MBNL1: variants seen among roughly 807,000 people sequenced by gnomAD.
MBNL1 encodes muscleblind like splicing regulator 1, also known as muscleblind-like protein 1.
A neutral mutation model predicts 42.2 loss-of-function variants in MBNL1; 8 were observed. The ratio of observed to expected loss-of-function variants is 0.19; its 90% CI spans 0.11 to 0.34. MBNL1 has a LOEUF of 0.34. Among genes scored for constraint, MBNL1 ranks in the 10% least tolerant of loss-of-function variants. The probability of loss-of-function intolerance (pLI) is 1.00; values close to 1 mark genes in which losing one functional copy is unlikely to be tolerated. For missense variants in MBNL1, 309 were observed against 495.3 expected (o/e 0.62, Z 3.57); for synonymous variants, 169 against 173.9 (o/e 0.97, Z 0.22).
chr3:152,335,878 T>G (rs1248307132), intron 2 of MBNL1, among the ~76,000 whole-genome samples: 1 of 152,152 alleles, frequency 6.6e-6, no homozygotes, highest in Non-Finnish European at 1.5e-5. Flanking sequence ...TGCCAAGTCA[T>G]GGGGGAACAG....
chr3:152,455,715 A>G lies in MBNL1; in HGVS notation c.997+138A>G. The G allele has an allele frequency of 5.4e-6, 4 of 735,272 alleles. No individual in the cohort carries two copies. The South Asian group carries it at 6.9e-5, about 13-fold the overall frequency. 45.5% of individuals were successfully genotyped at this position (735,272 alleles called of 1,614,324 possible). A position where few individuals can be genotyped will look rare whatever the true frequency, so the allele number is the denominator to read the frequency against. ...TACTAACACTTGTCAATTAAATGCC[A>G]TTTTCTGTTTAATTGACATGGACTC... On this transcript the variant is annotated intron_variant, in intron 7 of 9. Transcript: ENST00000324210.
chr3:152,317,431 C>T (rs1019591272), intron 2 of MBNL1, among the ~76,000 whole-genome samples: 4 of 151,894 alleles, frequency 2.6e-5, no homozygotes, highest in Admixed American at 6.6e-5. Context: ...GTGATTCTCC[C>T]GCCTCAATCT....
chr3:152,426,877 CTAGA>C (rs1280411961), intron 3 of MBNL1, among the ~76,000 whole-genome samples: 4 of 152,188 alleles, frequency 2.6e-5, no homozygotes, highest in Non-Finnish European at 4.4e-5. Flanking sequence ...CTTCTGTAAC[CTAGA>C]TAGACTTTGC....
At chr3:152,301,038 A>G in intron 2 of MBNL1, 1 of 382,896 alleles carries the variant, frequency 2.6e-6, no homozygotes, top group Non-Finnish European at 3.6e-6. Flanking sequence ...CCAGCTTCAA[A>G]AATTCTAATG....
intron 2 of MBNL1, among the ~76,000 whole-genome samples, chr3:152,337,058 T>A (rs2090736111): frequency 6.6e-6 from 1 of 152,212 alleles, no homozygotes; most frequent in African/African-American, 2.4e-5. Context: ...TTAGGAATTA[T>A]TAAAGTCCTG....
rs572911095 is a variant in MBNL1, at chr3:152,457,111, A to G, written c.1092+750A>G. ...ATAAATTTAAATTTTATGATATACA[A>G]TAATAACTATTTAAAAATAAATGAT... On this transcript the variant is annotated intron_variant, in intron 8 of 9. Coordinates refer to ENST00000324210, the MANE Select transcript of MBNL1 (RefSeq NM_021038.5). Among the ~76,000 whole-genome samples the G allele has an allele frequency of 8.2e-4, 125 of 152,314 alleles. 2 individuals are homozygous for G. Among genetic ancestry groups the G allele is most frequent in the African/African-American group, 3.0e-3 (123 of 41,588 alleles).
At chr3:152,462,215 T>C (rs917004239) in intron 9 of MBNL1, among the ~76,000 whole-genome samples, 170 bp from the exon 10 acceptor site, 5 of 152,192 alleles carry the variant, frequency 3.3e-5, no homozygotes, top group Admixed American at 2.6e-4. Context: ...GTAGAGATGA[T>C]AGACAAATTT....
At chr3:152,455,454 A>G (rs983650946) in intron 6 of MBNL1, 88 bp from the exon 7 acceptor site, 2 of 1,075,930 alleles carry the variant, frequency 1.9e-6, no homozygotes, top group Non-Finnish European at 2.9e-6. Context: ...CTTTGTTCAA[A>G]TGAATTTTCT....
chr3:152,363,555 G>A (rs959213698), intron 2 of MBNL1, among the ~76,000 whole-genome samples: 1 of 152,152 alleles, frequency 6.6e-6, no homozygotes, highest in South Asian at 2.1e-4. Context: ...TCTTTGTCCA[G>A]TGTTAAACTA....
chr3:152,321,911 GGTT>G (rs1299303625), intron 2 of MBNL1, among the ~76,000 whole-genome samples: 1 of 151,900 alleles, frequency 6.6e-6, no homozygotes, highest in Admixed American at 6.6e-5. Flanking sequence ...TTGTTGTTAT[GGTT>G]GTTCTTTGTT....
intron 2 of MBNL1, among the ~76,000 whole-genome samples, chr3:152,410,335 C>T (rs1054759198): frequency 2.0e-5 from 3 of 152,018 alleles, no homozygotes; most frequent in African/African-American, 4.8e-5. Context: ...AGAAATTACT[C>T]GATGAATTTA....
rs1204662768 is a variant in MBNL1 at position 152,464,256 on chromosome 3, T to C, written c.*1890T>C. On this transcript the variant is annotated 3_prime_UTR_variant, in exon 10 of 10. Transcript: ENST00000324210. ...AAATACAAAAAAAAGTAGTTTTTCC[T>C]TCATAACATACTCAGTTTTGAATTA... 1 of 152,558 alleles carries C rather than the reference T, an allele frequency of 6.6e-6. No individual in the cohort carries two copies. Among genetic ancestry groups the C allele is most frequent in the Admixed American group, 6.5e-5 (1 of 15,278 alleles). 9.5% of individuals were successfully genotyped at this position (152,558 alleles called of 1,614,324 possible).
At chr3:152,274,846 C>CA (rs1383200161) in intron 1 of MBNL1, among the ~76,000 whole-genome samples, 1 of 152,012 alleles carries the variant, frequency 6.6e-6, no homozygotes, top group Non-Finnish European at 1.5e-5. Flanking sequence ...TAAATAGTTA[C>CA]AAACTGTTGG....
chr3:152,343,135 G>A (rs560081904), intron 2 of MBNL1, among the ~76,000 whole-genome samples: 1 of 152,284 alleles, frequency 6.6e-6, no homozygotes, highest in African/African-American at 2.4e-5. Flanking sequence ...CAAATATGGG[G>A]TGGTTGTACC....
At position 152,284,025 on chromosome 3, in the gene MBNL1, A is replaced by G. The variant is rs536558292; in HGVS notation, c.-790+14933A>G. On this transcript the variant is annotated intron_variant, in intron 1 of 9. Coordinates refer to ENST00000324210, the MANE Select transcript of MBNL1 (RefSeq NM_021038.5). ...GTGTGTTAGTTTTATACCTTTAATT[A>G]AACATCAAATTCTTAAAGGCTGGAT... Among the ~76,000 whole-genome samples, 15 of 152,268 alleles carry G rather than the reference A, an allele frequency of 9.9e-5. No individual in the cohort carries two copies. The South Asian group carries it at 3.1e-3, about 32-fold the overall frequency.
At position 152,380,736 on chromosome 3, in the gene MBNL1, T is replaced by A. The variant is rs530386577; in HGVS notation, c.175-34205T>A. On this transcript the variant is annotated intron_variant, in intron 2 of 9. Transcript: ENST00000324210. ...CATTTCCTATATTGAGTTTTTTTTT[T>A]AAAAAAGGCACTTCTGATTACGTAT... Among the ~76,000 whole-genome samples the A allele has an allele frequency of 2.5e-3, 378 of 151,952 alleles. 3 individuals are homozygous for A. Among genetic ancestry groups the A allele is most frequent in the South Asian group, 0.011 (51 of 4,818 alleles).
chr3:152,439,465 T>A (rs1365322869), intron 4 of MBNL1, among the ~76,000 whole-genome samples: 1 of 152,202 alleles, frequency 6.6e-6, no homozygotes, highest in East Asian at 1.9e-4. Flanking sequence ...TTGTAGAGGA[T>A]GTTTGGCTAC....
intron 2 of MBNL1, among the ~76,000 whole-genome samples, chr3:152,256,745 G>A (rs557399691): frequency 1.1e-3 from 164 of 152,208 alleles, no homozygotes; most frequent in African/African-American, 3.8e-3. Context: ...GAGTAAACAA[G>A]CTCAATATTT....
At chr3:152,453,185 T>G (rs574054709) in intron 6 of MBNL1, among the ~76,000 whole-genome samples, 1 of 152,182 alleles carries the variant, frequency 6.6e-6, no homozygotes, top group Admixed American at 6.5e-5. Flanking sequence ...ATACTTCTTA[T>G]AATCAACCTA....
Sources: gnomAD v4.1 joint callset for allele counts (sites outside exome capture counted in the v4.1 genomes callset) on GRCh38, gnomAD v4.1.1 for gene constraint, MANE v1.5 for transcripts, NCBI Gene and HGNC (gene_info 2026-07-23, HGNC 2026-07-21) for gene names.